ADAMTSL3: variants seen among roughly 807,000 people sequenced by gnomAD.
The protein encoded by ADAMTSL3 is ADAMTS-like protein 3.
ADAMTSL3 carries 128 observed loss-of-function variants against 201.7 expected under a neutral mutation model. The observed-to-expected ratio is 0.63, with a 90% CI of 0.55 to 0.73. ADAMTSL3 has a LOEUF of 0.73. ADAMTSL3 is among the 30% of genes least tolerant of loss of function. ADAMTSL3 has a pLI of 0.00. For synonymous variants in ADAMTSL3, 738 were observed against 748.4 expected, an observed-to-expected ratio of 0.99 and a Z score of 0.23; for missense variants, 1,990 against 2,119.6, an observed-to-expected ratio of 0.94 and a Z score of 1.20.
intron 2 of ADAMTSL3, among the ~76,000 whole-genome samples, chr15:83,687,701 G>T (rs2061556756): frequency 6.6e-6 from 1 of 152,096 alleles, no homozygotes; most frequent in African/African-American, 2.4e-5. Context: ...TTACTTCTTA[G>T]ATTGTGTATG....
Position 84,036,914 on chromosome 15 carries a change from T to C in ADAMTSL3, c.4896T>C (p.Pro1632=). 1 of 1,614,162 alleles carries C rather than the reference T, an allele frequency of 6.2e-7. No individual in the cohort carries two copies. Among genetic ancestry groups the C allele is most frequent in the Non-Finnish European group, 8.5e-7 (1 of 1,180,024 alleles). ...GTATCCACACAAGGAGTTGCAAACC[T>C]GTGGCCAAGAGACACTGTGTACAGA... The part of the protein sequence containing the change: ...VDCIHTRSCK[P]VAKRHCVQKK... The change falls in exon 29 of 30, where the codon CCT becomes CCC. Residue 1632 remains proline, a synonymous_variant. Transcript: ENST00000286744.
intron 3 of ADAMTSL3, among the ~76,000 whole-genome samples, chr15:83,746,962 T>C (rs1420617624): frequency 6.6e-6 from 1 of 152,236 alleles, no homozygotes; most frequent in African/African-American, 2.4e-5. Flanking sequence ...GGCAATAATA[T>C]AAGGCAAAGC....
chr15:83,741,794 T>A (rs2062459307), intron 3 of ADAMTSL3, among the ~76,000 whole-genome samples: 1 of 152,016 alleles, frequency 6.6e-6, no homozygotes, highest in Non-Finnish European at 1.5e-5. Context: ...TCTAGGAGTT[T>A]GAGACCAGCA....
intron 6 of ADAMTSL3, among the ~76,000 whole-genome samples, chr15:83,820,370 G>A (rs987746374): frequency 4.6e-5 from 7 of 152,100 alleles, no homozygotes; most frequent in Admixed American, 2.0e-4. Flanking sequence ...GAGCCACCGC[G>A]CCGGGCCATC....
At position 83,970,506 on chromosome 15, in the gene ADAMTSL3, G is replaced by A. The variant is rs143464136; in HGVS notation, c.2513G>A (p.Gly838Glu). 1 of 1,614,052 alleles carries A rather than the reference G, an allele frequency of 6.2e-7. No homozygotes were observed. Among genetic ancestry groups the A allele is most frequent in the African/African-American group, 1.3e-5 (1 of 74,916 alleles). The change falls in exon 20 of 30, where the codon GGA (glycine) becomes GAA (glutamate). Residue 838 changes from glycine (G) to glutamate (E), a missense_variant. Coordinates refer to ENST00000286744, the MANE Select transcript of ADAMTSL3 (RefSeq NM_207517.3). ...CAGTGTTCTGTCAGTTGTGGTGTTG[G>A]AATCCAGAGAAGAAAGCAGGTGTGT... ...WSKCSVSCGVGIQRRKQVCQR... is the reference protein window; with the variant it reads ...WSKCSVSCGVEIQRRKQVCQR...
intron 3 of ADAMTSL3, among the ~76,000 whole-genome samples, chr15:83,771,223 T>C (rs892075076): frequency 3.3e-5 from 5 of 151,946 alleles, no homozygotes; most frequent in African/African-American, 9.7e-5. Flanking sequence ...GTGCCAATTC[T>C]CTACTCTTAA....
chr15:83,764,012 T>A (rs183885030), intron 3 of ADAMTSL3, among the ~76,000 whole-genome samples: 1 of 152,344 alleles, frequency 6.6e-6, no homozygotes, highest in Non-Finnish European at 1.5e-5. Context: ...GAAGCCTGAA[T>A]GATATTGGCA....
chr15:84,004,571 C>A (rs999224517), intron 23 of ADAMTSL3, among the ~76,000 whole-genome samples: 13 of 151,948 alleles, frequency 8.6e-5, no homozygotes, highest in African/African-American at 3.1e-4. Context: ...AGTGAGTAAA[C>A]AGGAGTAAAC....
intron 2 of ADAMTSL3, among the ~76,000 whole-genome samples, chr15:83,684,233 T>A (rs1190833795): frequency 6.6e-6 from 1 of 152,184 alleles, no homozygotes; most frequent in Admixed American, 6.5e-5. Context: ...CATTTACCAC[T>A]TCCCAGTTTG....
At position 84,016,491 on chromosome 15, in the gene ADAMTSL3, C is replaced by A; in HGVS notation, c.4265C>A (p.Pro1422Gln). 1 of 1,613,488 alleles carries A rather than the reference C, an allele frequency of 6.2e-7. No individual in the cohort carries two copies. Among genetic ancestry groups the A allele is most frequent in the Non-Finnish European group, 8.5e-7 (1 of 1,179,544 alleles). Reference protein sequence around the residue: ...TNSNDPTGEPPPQEPFWEPGN... With the variant: ...TNSNDPTGEPQPQEPFWEPGN... ...AGCAATGACCCAACAGGAGAACCCCCGCCTCAAGGTCTGGGATTTTGACCT... is the reference window on the plus strand; with the variant it reads ...AGCAATGACCCAACAGGAGAACCCCAGCCTCAAGGTCTGGGATTTTGACCT... The change falls in exon 25 of 30, where the codon CCG becomes CAG. Residue 1422 changes from proline (P) to glutamine (Q), a missense_variant. Physicochemically the swap from Pro to Gln is moderately conservative, Grantham distance 76. Transcript: ENST00000286744.
chr15:84,037,355 A>G (rs940329139), intron 29 of ADAMTSL3, among the ~76,000 whole-genome samples: 7 of 152,182 alleles, frequency 4.6e-5, no homozygotes, highest in African/African-American at 1.7e-4. Context: ...AGTTATATGT[A>G]AAAACTGTAG....
rs1449152166 is a variant in ADAMTSL3, at chr15:83,980,801, G to A, written c.2645-1472G>A. On this transcript the variant is annotated intron_variant, in intron 20 of 29. Coordinates refer to ENST00000286744, the MANE Select transcript of ADAMTSL3 (RefSeq NM_207517.3). ...GTTTCCCTGAACCTGTTGACACCAC[G>A]AAACCCCAGTAGGCAGCCAGACTTC... Among the ~76,000 whole-genome samples, 5 of 152,126 alleles carry A rather than the reference G, an allele frequency of 3.3e-5. No individual in the cohort carries two copies. The South Asian group carries it at 6.2e-4, about 19-fold the overall frequency.
intron 2 of ADAMTSL3, 121 bp from the exon 3 acceptor site, chr15:83,704,268 C>T: frequency 6.9e-7 from 1 of 1,454,184 alleles, no homozygotes; most frequent in South Asian, 1.3e-5. Flanking sequence ...AGGTCACTTC[C>T]CTTTTTGTTT....
chr15:84,000,383 T>C (rs1444809765), intron 23 of ADAMTSL3, among the ~76,000 whole-genome samples: 1 of 152,152 alleles, frequency 6.6e-6, no homozygotes, highest in Non-Finnish European at 1.5e-5. Flanking sequence ...TCCCCTTTTT[T>C]CCTTCCTCTG....
At chr15:83,670,684 G>T (rs8038454) in intron 2 of ADAMTSL3, among the ~76,000 whole-genome samples, 21,570 of 152,024 alleles carry the variant, frequency 0.14, 2,096 homozygotes, top group African/African-American at 0.26. Context: ...TGTATTCACA[G>T]TGTGAAAAAA....
At chr15:83,895,533 A>G (rs1051862760) in intron 13 of ADAMTSL3, among the ~76,000 whole-genome samples, 2 of 152,176 alleles carry the variant, frequency 1.3e-5, no homozygotes, top group African/African-American at 4.8e-5. Context: ...AAAATCAAAT[A>G]TATTCTCAGT....
chr15:83,997,989 C>A (rs2067718660), intron 23 of ADAMTSL3, among the ~76,000 whole-genome samples: 1 of 151,476 alleles, frequency 6.6e-6, no homozygotes, highest in African/African-American at 2.4e-5. Context: ...GAACTGAGTG[C>A]CAAGAGTCCT....
intron 4 of ADAMTSL3, among the ~76,000 whole-genome samples, chr15:83,802,772 G>A (rs536123560): frequency 2.0e-5 from 3 of 152,314 alleles, no homozygotes; most frequent in Admixed American, 6.5e-5. Context: ...GGTTGTGGTA[G>A]TGGTTGCACA....
intron 12 of ADAMTSL3, among the ~76,000 whole-genome samples, chr15:83,891,975 G>A (rs2065508255): frequency 6.6e-6 from 1 of 152,170 alleles, no homozygotes; most frequent in South Asian, 2.1e-4. Context: ...AGCACTTTGG[G>A]AGGCTAAGGC....
Sources: allele counts gnomAD v4.1 joint callset (sites outside exome capture counted in the v4.1 genomes callset), GRCh38; gene constraint gnomAD v4.1.1; transcripts MANE v1.5; gene names NCBI Gene and HGNC (gene_info 2026-07-23, HGNC 2026-07-21).